The following EYS variants were observed in gnomAD, a reference collection of about 807,000 sequenced individuals.
The protein encoded by EYS is EGF-like photoreceptor maintenance factor, also known as protein eyes shut homolog.
In EYS, 250 loss-of-function variants were observed where a neutral mutation model predicts 282.1. That is an observed-to-expected ratio of 0.89 (90% CI 0.80 to 0.98). The LOEUF is 0.98. EYS is among the 50% of genes least tolerant of loss of function. EYS has a pLI of 0.00. For missense variants in EYS, 4,016 were observed against 3,709.0 expected (o/e 1.08, Z -2.15); for synonymous variants, 1,355 against 1,282.9 (o/e 1.06, Z -1.20).
At chr6:64,539,803 A>T (rs1764641471) in intron 26 of EYS, among the ~76,000 whole-genome samples, 1 of 152,138 alleles carries the variant, frequency 6.6e-6, no homozygotes, top group African/African-American at 2.4e-5. Flanking sequence ...TTTCCAACTA[A>T]CATGCATGTC....
chr6:64,021,167 A>G lies in EYS; in HGVS notation c.6726-21984T>C, dbSNP rs529505682. 6.1e-3 allele frequency among the ~76,000 whole-genome samples: 921 copies of G among 151,894 alleles called. 7 individuals carry two copies. The highest frequency in any genetic ancestry group is 0.027 in the Middle Eastern group (8 of 294). Reference sequence around the variant, plus strand: ...TGATAGTTTTCAAGGGAAAAAAAAAAAGCCTTTTCTTTATTGCTTAGTAGC... The same window carrying G: ...TGATAGTTTTCAAGGGAAAAAAAAAGAGCCTTTTCTTTATTGCTTAGTAGC... On this transcript the variant is annotated intron_variant, in intron 33 of 42. Coordinates refer to ENST00000503581, the MANE Select transcript of EYS (RefSeq NM_001142800.2).
intron 22 of EYS, among the ~76,000 whole-genome samples, chr6:64,808,668 T>A (rs902410717): frequency 6.6e-6 from 1 of 152,006 alleles, no homozygotes; most frequent in African/African-American, 2.4e-5. Context: ...CTCTTCTGTG[T>A]TGATATCTGT....
At chr6:65,668,509 G>A (rs1768274385) in intron 1 of EYS, among the ~76,000 whole-genome samples, 1 of 151,652 alleles carries the variant, frequency 6.6e-6, no homozygotes, top group Non-Finnish European at 1.5e-5. Context: ...ACAATGACAG[G>A]ATCATTGCAA....
At chr6:64,454,132 C>G (rs1254661884) in intron 26 of EYS, among the ~76,000 whole-genome samples, 1 of 152,104 alleles carries the variant, frequency 6.6e-6, no homozygotes, top group Non-Finnish European at 1.5e-5. Context: ...TCTAGGATAA[C>G]ATACAAAACA....
intron 36 of EYS, among the ~76,000 whole-genome samples, chr6:63,816,765 G>A (rs965424200): frequency 3.9e-5 from 6 of 152,206 alleles, no homozygotes; most frequent in Non-Finnish European, 7.3e-5. Context: ...GGAAGTTCAC[G>A]TGCTACGTGG....
intron 35 of EYS, among the ~76,000 whole-genome samples, chr6:63,945,910 G>A (rs1311887002): frequency 6.6e-6 from 1 of 152,182 alleles, no homozygotes; most frequent in Non-Finnish European, 1.5e-5. Context: ...ACAAGTATTT[G>A]TCCCAACTGC....
At chr6:65,189,813 T>C (rs954004895) in intron 12 of EYS, among the ~76,000 whole-genome samples, 7 of 151,788 alleles carry the variant, frequency 4.6e-5, no homozygotes, top group Non-Finnish European at 1.0e-4. Context: ...TATGTGACCA[T>C]TTTGCAAGCC....
At chr6:63,722,645 C>T (rs1339637195) in intron 42 of EYS, among the ~76,000 whole-genome samples, 2 of 152,132 alleles carry the variant, frequency 1.3e-5, no homozygotes, top group African/African-American at 4.8e-5. Flanking sequence ...GAAGTCTCCA[C>T]GAAACATTTT....
In EYS at chr6:65,295,955, G is replaced by A; in HGVS notation, c.1931C>T (p.Thr644Ile). The A allele has an allele frequency of 1.3e-6, 2 of 1,551,086 alleles. No homozygotes were observed. Among genetic ancestry groups the A allele is most frequent in the Non-Finnish European group, 1.7e-6 (2 of 1,146,506 alleles). The change falls in exon 12 of 43, where the codon ACT (threonine) becomes ATT (isoleucine). Residue 644 changes from threonine to isoleucine, a missense_variant. Coordinates refer to ENST00000503581, the MANE Select transcript of EYS (RefSeq NM_001142800.2). Reference sequence around the variant, plus strand: ...GCAGGACGCAGATTTGCAGTCTTCAGTATCTATCTCACAGATGTTCCTTTC... The same window carrying A: ...GCAGGACGCAGATTTGCAGTCTTCAATATCTATCTCACAGATGTTCCTTTC... ...RYERNICEID[T>I]EDCKSASCKN...
chr6:65,542,459 T>C (rs1400369411), intron 2 of EYS, among the ~76,000 whole-genome samples: 2 of 145,102 alleles, frequency 1.4e-5, no homozygotes, highest in Non-Finnish European at 3.0e-5. Flanking sequence ...ACTGTGGCTA[T>C]GGATAACAAT....
chr6:63,931,653 A>G (rs1166993999), intron 35 of EYS, among the ~76,000 whole-genome samples: 1 of 152,204 alleles, frequency 6.6e-6, no homozygotes, highest in Non-Finnish European at 1.5e-5. Flanking sequence ...TGGCACACAT[A>G]ATAACTGTAT....
At chr6:63,744,081 A>G (rs532041980) in intron 41 of EYS, 1 of 152,326 alleles carries the variant, frequency 6.6e-6, no homozygotes, top group South Asian at 2.1e-4. Flanking sequence ...CCAAATAATG[A>G]ACTATAAAAA....
chr6:65,087,155 C>T (rs770777649), intron 12 of EYS, among the ~76,000 whole-genome samples: 1 of 152,006 alleles, frequency 6.6e-6, no homozygotes, highest in Non-Finnish European at 1.5e-5. Context: ...AACATAATAT[C>T]CAGGTTAGGA....
At chr6:64,063,035 C>A (rs1461528279) in intron 33 of EYS, among the ~76,000 whole-genome samples, 1 of 152,138 alleles carries the variant, frequency 6.6e-6, no homozygotes, top group Non-Finnish European at 1.5e-5. Flanking sequence ...CACTCTACTC[C>A]TTTTTTGGCT....
intron 26 of EYS, among the ~76,000 whole-genome samples, chr6:64,479,708 A>G (rs1226655091): frequency 6.6e-6 from 1 of 151,974 alleles, no homozygotes; most frequent in African/African-American, 2.4e-5. Context: ...ACACTTTTAA[A>G]CAGCTGTACT....
chr6:65,522,419 A>C (rs1767406355), intron 2 of EYS, among the ~76,000 whole-genome samples: 3 of 152,122 alleles, frequency 2.0e-5, no homozygotes, highest in Non-Finnish European at 4.4e-5. Flanking sequence ...TGGGTAATGA[A>C]GTGAGACACT....
At chr6:64,794,485 T>C (rs180835833) in intron 22 of EYS, among the ~76,000 whole-genome samples, 62 of 152,254 alleles carry the variant, frequency 4.1e-4, no homozygotes, top group Non-Finnish European at 1.3e-4. Flanking sequence ...CTCTCTCTTC[T>C]GCCCACCATG....
chr6:64,523,334 A>C (rs1777817107), intron 26 of EYS, among the ~76,000 whole-genome samples: 1 of 151,732 alleles, frequency 6.6e-6, no homozygotes, highest in African/African-American at 2.4e-5. Context: ...TCCCATTTTC[A>C]CTTTGTGTTT....
At chr6:64,865,453 C>T (rs963826099) in intron 19 of EYS, among the ~76,000 whole-genome samples, 1 of 152,050 alleles carries the variant, frequency 6.6e-6, no homozygotes, top group Non-Finnish European at 1.5e-5. Context: ...GGAGAAAAAA[C>T]GAAGTGTTTT....
Sources: gnomAD v4.1 joint callset for allele counts (sites outside exome capture counted in the v4.1 genomes callset) on GRCh38, gnomAD v4.1.1 for gene constraint, MANE v1.5 for transcripts, NCBI Gene and HGNC (gene_info 2026-07-23, HGNC 2026-07-21) for gene names.